Variants in GRIK1 observed in about 807,000 individuals in gnomAD.
The protein encoded by GRIK1 is glutamate receptor ionotropic, kainate 1.
GRIK1 carries 69 observed loss-of-function variants against 105.7 expected under a neutral mutation model. The observed-to-expected ratio is 0.65, with a 90% CI of 0.54 to 0.80. The LOEUF (loss-of-function observed/expected upper bound fraction) is 0.80, where lower values mean the gene tolerates loss of function less well. Ranked by LOEUF, GRIK1 falls within the 30% of genes least tolerant of loss-of-function variation. GRIK1 has a pLI of 0.00. For missense variants in GRIK1, 1,109 were observed against 1,167.3 expected (o/e 0.95, Z 0.73); for synonymous variants, 438 against 431.3 (o/e 1.02, Z -0.19).
At chr21:29,637,834 CCTTTCTTGAACAATCATGTGTGTGGTCT>C (rs1370874438) in intron 7 of GRIK1, among the ~76,000 whole-genome samples, 1 of 152,198 alleles carries the variant, frequency 6.6e-6, no homozygotes, top group Non-Finnish European at 1.5e-5. Context: ...TGTCTTTTCA[CCTTTCTTGAACAATCATGTGTGTGGTCT>C]ATGATTGAAA....
At chr21:29,643,005 A>T (rs374401546) in intron 6 of GRIK1, 36 bp from the exon 7 acceptor site, 43 of 1,598,872 alleles carry the variant, frequency 2.7e-5, no homozygotes, top group Non-Finnish European at 3.5e-5. Context: ...CTTAAATTCC[A>T]CTTTTGCTTA....
At chr21:29,697,710 C>T (rs189440078) in intron 1 of GRIK1, among the ~76,000 whole-genome samples, 4 of 152,224 alleles carry the variant, frequency 2.6e-5, no homozygotes, top group African/African-American at 9.6e-5. Context: ...GTTTAACGAT[C>T]AGCCACTTCC....
chr21:29,831,569 C>A (rs971883433), intron 1 of GRIK1, among the ~76,000 whole-genome samples: 4 of 152,030 alleles, frequency 2.6e-5, no homozygotes. Flanking sequence ...TCTTACATGG[C>A]CAGAAGAGAA....
At chr21:29,553,853 A>T in intron 16 of GRIK1, 1 of 539,274 alleles carries the variant, frequency 1.9e-6, no homozygotes, top group Non-Finnish European at 3.2e-6. Context: ...TTATTTTCCA[A>T]ATTAGTTGCA....
intron 1 of GRIK1, among the ~76,000 whole-genome samples, chr21:29,864,153 T>G (rs1192582518): frequency 6.6e-6 from 1 of 152,106 alleles, no homozygotes; most frequent in Non-Finnish European, 1.5e-5. Flanking sequence ...GAAGACTGTG[T>G]TTGTGATCAG....
intron 1 of GRIK1, among the ~76,000 whole-genome samples, chr21:29,722,424 T>G (rs1445782389): frequency 6.6e-6 from 1 of 151,918 alleles, no homozygotes; most frequent in Non-Finnish European, 1.5e-5. Flanking sequence ...GGTGTGGTGG[T>G]GGGCGCCTGT....
chr21:29,548,639 C>A (rs1030820866), intron 16 of GRIK1, among the ~76,000 whole-genome samples: 8 of 152,112 alleles, frequency 5.3e-5, no homozygotes, highest in Admixed American at 6.6e-5. Context: ...AGGAAATAGA[C>A]CTTGTGGTAT....
intron 1 of GRIK1, among the ~76,000 whole-genome samples, chr21:29,915,160 T>C (rs2070951013): frequency 6.6e-6 from 1 of 151,516 alleles, no homozygotes; most frequent in African/African-American, 2.4e-5. Context: ...TTAATTCTTT[T>C]CCACGCTATA....
At chr21:29,917,122 G>A (rs462773) in intron 1 of GRIK1, among the ~76,000 whole-genome samples, 33,761 of 151,838 alleles carry the variant, frequency 0.22, 4,290 homozygotes, top group African/African-American at 0.35. Flanking sequence ...GCTTGCTTGC[G>A]CTTGCACACC....
intron 7 of GRIK1, among the ~76,000 whole-genome samples, chr21:29,619,051 A>G (rs1362020120): frequency 6.7e-6 from 1 of 150,282 alleles, no homozygotes; most frequent in Non-Finnish European, 1.5e-5. Context: ...GCGTGAACCC[A>G]GGAGGCGGAG....
rs191713543 is a variant in GRIK1, at chr21:29,782,212, G to A, written c.119-88149C>T. 6.0e-3 allele frequency among the ~76,000 whole-genome samples: 891 copies of A among 148,600 alleles called. 4 individuals carry two copies. Among genetic ancestry groups the A allele is most frequent in the African/African-American group, 0.021 (846 of 40,338 alleles). On this transcript the variant is annotated intron_variant, in intron 1 of 17. Transcript: ENST00000327783. ...CGCCATTCTCCTGCCTCAGCCTCCC[G>A]AGCAGCTGGGACTGCAGGCGCCCGC...
At chr21:29,929,895 C>T (rs2071508616) in intron 1 of GRIK1, among the ~76,000 whole-genome samples, 1 of 152,152 alleles carries the variant, frequency 6.6e-6, no homozygotes, top group African/African-American at 2.4e-5. Flanking sequence ...TCCACAGTAG[C>T]CAAGATGCAG....
chr21:29,691,709 TG>T (rs2063587320), intron 2 of GRIK1, among the ~76,000 whole-genome samples: 8 of 152,236 alleles, frequency 5.3e-5, no homozygotes, highest in Admixed American at 5.2e-4. Context: ...AAAATTGTAT[TG>T]AATATTAATA....
At chr21:29,711,449 T>C (rs1353308653) in intron 1 of GRIK1, among the ~76,000 whole-genome samples, 2 of 152,092 alleles carry the variant, frequency 1.3e-5, no homozygotes, top group East Asian at 3.8e-4. Context: ...AATATAGACA[T>C]GACTGTATTT....
chr21:29,614,883 T>A (rs1002991726), intron 7 of GRIK1, among the ~76,000 whole-genome samples: 6 of 151,502 alleles, frequency 4.0e-5, no homozygotes, highest in African/African-American at 1.5e-4. Flanking sequence ...CCCAGTACTC[T>A]CTCTCCCTAA....
At chr21:29,743,696 G>GA (rs1569038801) in intron 1 of GRIK1, among the ~76,000 whole-genome samples, 2 of 151,876 alleles carry the variant, frequency 1.3e-5, no homozygotes, top group South Asian at 4.2e-4. Context: ...CTCCATCTCA[G>GA]AAAAAAATAT....
At chr21:29,935,864 G>A (rs1187949187) in intron 1 of GRIK1, among the ~76,000 whole-genome samples, 1 of 151,934 alleles carries the variant, frequency 6.6e-6, no homozygotes, top group East Asian at 1.9e-4. Context: ...AGATATTAAA[G>A]GTCTTATAAA....
intron 1 of GRIK1, among the ~76,000 whole-genome samples, chr21:29,749,682 T>C (rs1307628380): frequency 6.6e-6 from 1 of 152,206 alleles, no homozygotes; most frequent in East Asian, 1.9e-4. Context: ...TTCTACTTTT[T>C]AAAAGGCAGC....
intron 14 of GRIK1, among the ~76,000 whole-genome samples, chr21:29,563,515 C>T (rs1444530482): frequency 6.6e-6 from 1 of 152,166 alleles, no homozygotes; most frequent in East Asian, 1.9e-4. Flanking sequence ...CCGGAGATAT[C>T]TGCAAGCTGC....
Sources: gnomAD v4.1 joint callset for allele counts (sites outside exome capture counted in the v4.1 genomes callset) on GRCh38, gnomAD v4.1.1 for gene constraint, MANE v1.5 for transcripts, NCBI Gene and HGNC (gene_info 2026-07-23, HGNC 2026-07-21) for gene names.